The following PCSK5 variants were observed in gnomAD, a reference collection of about 807,000 sequenced individuals.
PCSK5 encodes prohormone convertase 5.
Under a neutral mutation model 233.2 loss-of-function variants are expected in PCSK5, and 129 were observed. The observed-to-expected ratio is 0.55, with a 90% confidence interval of 0.48 to 0.64. The LOEUF is 0.64. PCSK5 is among the 30% of genes least tolerant of loss of function. The pLI, the probability that PCSK5 is intolerant of heterozygous loss-of-function variation, is 0.00. For synonymous variants in PCSK5, 825 were observed against 879.2 expected (o/e 0.94, Z 1.09); for missense variants, 2,076 against 2,430.1 (o/e 0.85, Z 3.06).
chr9:76,297,536 C>T (rs1244084897), intron 27 of PCSK5, among the ~76,000 whole-genome samples: 2 of 152,210 alleles, frequency 1.3e-5, no homozygotes, highest in South Asian at 2.1e-4. Flanking sequence ...CTTTAGAACG[C>T]GCCTCCTCAC....
intron 2 of PCSK5, among the ~76,000 whole-genome samples, chr9:75,976,711 T>G (rs1032353640): frequency 6.6e-6 from 1 of 151,392 alleles, no homozygotes; most frequent in Admixed American, 6.6e-5. Context: ...ATTAAATACT[T>G]TATTCAATAT....
At chr9:75,947,194 G>A (rs1824616802) in intron 2 of PCSK5, among the ~76,000 whole-genome samples, 1 of 152,108 alleles carries the variant, frequency 6.6e-6, no homozygotes, top group Non-Finnish European at 1.5e-5. Context: ...ACTTAACAGA[G>A]GTTCTTCTAA....
chr9:75,933,891 C>T (rs576262896), intron 2 of PCSK5, among the ~76,000 whole-genome samples: 13 of 152,220 alleles, frequency 8.5e-5, no homozygotes, highest in Admixed American at 2.0e-4. Flanking sequence ...ATTAAAACGA[C>T]GCTAATTTCA....
rs538995727 is a variant in PCSK5, at chr9:76,286,086, T to C, written c.3143-6147T>C. Among the ~76,000 whole-genome samples the C allele has an allele frequency of 2.0e-4, 30 of 152,334 alleles. No individual in the cohort carries two copies. In the South Asian group the frequency reaches 5.6e-3, roughly 28 times the overall value. On this transcript the variant is annotated intron_variant, in intron 24 of 37. Coordinates refer to ENST00000674117, the MANE Select transcript of PCSK5 (RefSeq NM_001372043.1). ...TAGTAACCTTTTGGAGATTATAAAATACAATATACCCAGTGGACATAAATG... is the reference window on the plus strand; with the variant it reads ...TAGTAACCTTTTGGAGATTATAAAACACAATATACCCAGTGGACATAAATG...
chr9:76,227,080 G>A (rs1448964355), intron 20 of PCSK5, among the ~76,000 whole-genome samples: 2 of 152,092 alleles, frequency 1.3e-5, no homozygotes, highest in African/African-American at 2.4e-5. Flanking sequence ...GGGGTGGTAA[G>A]AAAAGATCTA....
chr9:76,044,053 A>G (rs2131539936), intron 5 of PCSK5, among the ~76,000 whole-genome samples: 1 of 152,314 alleles, frequency 6.6e-6, no homozygotes, highest in Admixed American at 6.5e-5. Context: ...CTTTCTTATT[A>G]CATTCTTATG....
intron 2 of PCSK5, among the ~76,000 whole-genome samples, chr9:75,960,408 G>A (rs1406501490): frequency 6.6e-6 from 1 of 152,142 alleles, no homozygotes; most frequent in African/African-American, 2.4e-5. Flanking sequence ...TCTGTGGGCA[G>A]TTAATCCCTG....
rs147020200 is a variant in PCSK5 at position 76,108,052 on chromosome 9, T to C, written c.1208+701T>C. Among the ~76,000 whole-genome samples, 443 of 152,382 alleles carry C rather than the reference T, an allele frequency of 2.9e-3. 3 individuals carry two copies. The highest frequency in any genetic ancestry group is 0.01 in the African/African-American group (417 of 41,588). Reference sequence around the variant, plus strand: ...TGCAAATTTAACACTAGAATTCATTTTTTGGCAAAGTTTGCCATAAACTCA... The same window carrying C: ...TGCAAATTTAACACTAGAATTCATTCTTTGGCAAAGTTTGCCATAAACTCA... On this transcript the variant is annotated intron_variant, in intron 9 of 37. Transcript: ENST00000674117.
intron 20 of PCSK5, among the ~76,000 whole-genome samples, chr9:76,216,446 T>C (rs1446477962): frequency 1.3e-5 from 2 of 152,198 alleles, no homozygotes; most frequent in East Asian, 3.8e-4. Context: ...CACAACCAAT[T>C]CCTGACCACT....
At chr9:76,209,499 C>CCTGA (rs1825249196) in intron 20 of PCSK5, 1 of 511,534 alleles carries the variant, frequency 2.0e-6, no homozygotes, top group Non-Finnish European at 3.9e-6. Context: ...TGGAATAGTA[C>CCTGA]CTGACATGTA....
At chr9:75,941,080 G>A (rs1029422913) in intron 2 of PCSK5, among the ~76,000 whole-genome samples, 7 of 152,282 alleles carry the variant, frequency 4.6e-5, no homozygotes, top group African/African-American at 7.2e-5. Flanking sequence ...GAGTTCAAGT[G>A]CTTCCTGTGT....
At chr9:75,962,688 C>T (rs1398330397) in intron 2 of PCSK5, among the ~76,000 whole-genome samples, 1 of 152,196 alleles carries the variant, frequency 6.6e-6, no homozygotes, top group Non-Finnish European at 1.5e-5. Context: ...GATCGAGAAC[C>T]AGCATTTGTG....
rs1480645220 is a variant in PCSK5 at position 76,122,070 on chromosome 9, G to A, written c.1209-12039G>A. On this transcript the variant is annotated intron_variant, in intron 9 of 37. Coordinates refer to ENST00000674117, the MANE Select transcript of PCSK5 (RefSeq NM_001372043.1). The stretch of plus-strand genomic sequence containing the variant: ...GATCTCCTGACCTCGTGATCCGCCC[G>A]CCTCGGCCTCCCAAAGTGCTGGGAT... Among the ~76,000 whole-genome samples the A allele has an allele frequency of 3.5e-5, 5 of 144,844 alleles. 1 individual carries two copies. In the South Asian group the frequency reaches 6.7e-4, roughly 20 times the overall value.
At chr9:76,125,240 C>A (rs1282669182) in intron 9 of PCSK5, among the ~76,000 whole-genome samples, 1 of 152,156 alleles carries the variant, frequency 6.6e-6, no homozygotes, top group African/African-American at 2.4e-5. Flanking sequence ...CCTCCCTGTC[C>A]GATTCTGAGA....
intron 30 of PCSK5, 93 bp from the exon 31 acceptor site, chr9:76,321,329 C>T: frequency 5.7e-6 from 4 of 705,098 alleles, no homozygotes; most frequent in Non-Finnish European, 1.0e-5. Flanking sequence ...AGCAGCAGCC[C>T]TTTTGTTTTT....
intron 35 of PCSK5, among the ~76,000 whole-genome samples, chr9:76,347,539 C>T (rs1195777829): frequency 1.3e-5 from 2 of 152,084 alleles, no homozygotes; most frequent in African/African-American, 4.8e-5. Flanking sequence ...ATACAGTGCC[C>T]TTGGGTATTG....
At chr9:76,096,882 G>A (rs954207123) in intron 8 of PCSK5, among the ~76,000 whole-genome samples, 5 of 151,010 alleles carry the variant, frequency 3.3e-5, no homozygotes, top group African/African-American at 1.2e-4. Flanking sequence ...ATTTACAGGC[G>A]TGAGCCACTG....
At chr9:76,294,617 T>C (rs980589351) in intron 25 of PCSK5, among the ~76,000 whole-genome samples, 7 of 152,090 alleles carry the variant, frequency 4.6e-5, no homozygotes, top group African/African-American at 1.7e-4. Context: ...TCCAGTTCCC[T>C]TATCTAGAAA....
chr9:76,202,813 C>T (rs1824967404), intron 20 of PCSK5, among the ~76,000 whole-genome samples: 1 of 152,030 alleles, frequency 6.6e-6, no homozygotes, highest in Non-Finnish European at 1.5e-5. Flanking sequence ...TATCTAGTTA[C>T]TTGTAGGAAT....
Sources: gnomAD v4.1 joint callset for allele counts (sites outside exome capture counted in the v4.1 genomes callset) on GRCh38, gnomAD v4.1.1 for gene constraint, MANE v1.5 for transcripts, NCBI Gene and HGNC (gene_info 2026-07-23, HGNC 2026-07-21) for gene names.